The following RBM8A variants were observed in gnomAD, a reference collection of about 807,000 sequenced individuals.
RBM8A encodes the protein RNA binding motif protein 8A, also known as RNA-binding protein 8A.
Under a neutral mutation model 25.1 loss-of-function variants are expected in RBM8A, and 8 were observed. The ratio of observed to expected loss-of-function variants is 0.32; its 90% CI spans 0.19 to 0.58. The LOEUF (loss-of-function observed/expected upper bound fraction) is 0.58, where lower values mean the gene tolerates loss of function less well. Ranked by LOEUF, RBM8A falls within the 20% of genes least tolerant of loss-of-function variation. The pLI, the probability that RBM8A is intolerant of heterozygous loss-of-function variation, is 0.88. For synonymous variants in RBM8A, 66 were observed against 80.0 expected, an observed-to-expected ratio of 0.82 and a Z score of 0.94; for missense variants, 114 against 236.8, an observed-to-expected ratio of 0.48 and a Z score of 3.40.
In RBM8A at chr1:145,923,129, CTG is replaced by C. The variant is rs1376457441; in HGVS notation, c.*2751_*2752del. On this transcript the variant is annotated 3_prime_UTR_variant, in exon 6 of 6. Transcript: ENST00000583313. ...TATCTTTAGTACAGACAGGGTTTCA[CTG>C]TGTTAGCCAGGATGGTCTCCATCTC... The C allele has an allele frequency of 6.6e-6, 1 of 152,106 alleles. No homozygotes were observed. The highest frequency in any genetic ancestry group is 1.5e-5 in the Non-Finnish European group (1 of 68,078). The allele number at this position is 152,106 out of a possible 1,614,324, so 9.4% of individuals were successfully genotyped here.
In RBM8A at chr1:145,926,702, G is replaced by A; in HGVS notation, c.206-84C>T. On this transcript the variant is annotated intron_variant, in intron 3 of 5. Coordinates refer to ENST00000583313, the MANE Select transcript of RBM8A (RefSeq NM_005105.5). The stretch of plus-strand genomic sequence containing the variant: ...CAGGAATAGAGTGAGTGCGGACTCA[G>A]ATTGTTTAAGCTATCTCTGAACCCA... The A allele has an allele frequency of 2.5e-6, 4 of 1,612,612 alleles. No individual in the cohort carries two copies. In the South Asian group the frequency reaches 4.4e-5, roughly 18 times the overall value.
chr1:145,921,559 GTGT>G lies in RBM8A; in HGVS notation c.*4320_*4322del, dbSNP rs1420191887. On this transcript the variant is annotated 3_prime_UTR_variant, in exon 6 of 6. Coordinates refer to ENST00000583313, the MANE Select transcript of RBM8A (RefSeq NM_005105.5). ...AAAAGAGAGTGACATAACCAAATTT[GTGT>G]TTTTTACTGACTTTATTGTCGAATG... 9 of 152,428 alleles carry G rather than the reference GTGT, an allele frequency of 5.9e-5. No individual in the cohort carries two copies. The highest frequency in any genetic ancestry group is 4.6e-4 in the Admixed American group (7 of 15,294). 9.4% of individuals were successfully genotyped at this position (152,428 alleles called of 1,614,324 possible). A position where few individuals can be genotyped will look rare whatever the true frequency, so the allele number is the denominator to read the frequency against.
rs1392210336 is a variant in RBM8A at position 145,922,154 on chromosome 1, G to A, written c.*3728C>T. Reference sequence around the variant, plus strand: ...CACGAGAATTGCTTGAACCTGGGAAGTGGAGGCTGCAGTGAGCCAAGACTG... The same window carrying A: ...CACGAGAATTGCTTGAACCTGGGAAATGGAGGCTGCAGTGAGCCAAGACTG... On this transcript the variant is annotated 3_prime_UTR_variant, in exon 6 of 6. Transcript: ENST00000583313. The A allele has an allele frequency of 6.6e-6, 1 of 151,368 alleles. No homozygotes were observed. Among genetic ancestry groups the A allele is most frequent in the African/African-American group, 2.4e-5 (1 of 41,232 alleles). 9.4% of individuals were successfully genotyped at this position (151,368 alleles called of 1,614,324 possible).
In RBM8A at chr1:145,925,536, T is replaced by C. The variant is rs1228946576; in HGVS notation, c.*346A>G. ...CAGAAGGATGGCTTGAGCCCAAGAG[T>C]TTGAAGCTGCAGTGAGCTATGATCA... On this transcript the variant is annotated 3_prime_UTR_variant, in exon 6 of 6. Coordinates refer to ENST00000583313, the MANE Select transcript of RBM8A (RefSeq NM_005105.5). 5.8e-6 allele frequency: 2 copies of C among 344,276 alleles called. No homozygotes were observed. Among genetic ancestry groups the C allele is most frequent in the Non-Finnish European group, 1.1e-5 (2 of 177,698 alleles). 21.3% of individuals were successfully genotyped at this position (344,276 alleles called of 1,614,324 possible). A position where few individuals can be genotyped will look rare whatever the true frequency, so the allele number is the denominator to read the frequency against.
In RBM8A at chr1:145,926,554, G is replaced by A. The variant is rs1484206622; in HGVS notation, c.270C>T (p.His90=). Residue 90 remains histidine, a synonymous_variant, in exon 4 of 6, where the codon CAC becomes CAT. Coordinates refer to ENST00000583313, the MANE Select transcript of RBM8A (RefSeq NM_005105.5). ...VHEEATEEDI[H]DKFAEYGEIK... ...TTTCCCCATATTCTGCGAATTTGTC[G>A]TGTATGTCTTCTTCGGTGGCTTCCT... The A allele has an allele frequency of 8.1e-6, 13 of 1,614,106 alleles. 1 individual carries two copies. In the South Asian group the frequency reaches 8.8e-5, roughly 11 times the overall value.
rs1553755799 is a variant in RBM8A, at chr1:145,926,009, C to T, written c.479+32G>A. On this transcript the variant is annotated intron_variant, in intron 5 of 5. Transcript: ENST00000583313. ...CATTCTGTTTCGTTCGTATTCCCTTCACCCAGACAGTATTTGCCCTCTTCA... is the reference window on the plus strand; with the variant it reads ...CATTCTGTTTCGTTCGTATTCCCTTTACCCAGACAGTATTTGCCCTCTTCA... 1.9e-6 allele frequency: 3 copies of T among 1,614,222 alleles called. No homozygotes were observed. In the Admixed American group the frequency reaches 5.0e-5, roughly 27 times the overall value.
At chr1:145,927,161 C>T in intron 1 of RBM8A, 84 bp from the exon 2 acceptor site, 3 of 1,540,448 alleles carry the variant, frequency 1.9e-6, no homozygotes, top group Non-Finnish European at 1.8e-6. Flanking sequence ...TACCAGCAAG[C>T]CGACCCACAC....
At position 145,924,016 on chromosome 1, in the gene RBM8A, G is replaced by A; in HGVS notation, c.*1866C>T. 3.1e-6 allele frequency: 2 copies of A among 636,720 alleles called. No individual in the cohort carries two copies. Among genetic ancestry groups the A allele is most frequent in the South Asian group, 3.6e-5 (2 of 55,568 alleles). 39.4% of individuals were successfully genotyped at this position (636,720 alleles called of 1,614,324 possible). ...ATATATTTCCAACTTCTTTAACATGGCACCATGGATGAACTGTTTCTCAGC... is the reference window on the plus strand; with the variant it reads ...ATATATTTCCAACTTCTTTAACATGACACCATGGATGAACTGTTTCTCAGC... On this transcript the variant is annotated 3_prime_UTR_variant, in exon 6 of 6. Transcript: ENST00000583313.
Position 145,924,094 on chromosome 1 carries a change from A to G in RBM8A, c.*1788T>C. ...ATGAATTGGGAGGAGACAGTATGAC[A>G]TAGGTGGGTAGGTTGGGTGGTGAGG... On this transcript the variant is annotated 3_prime_UTR_variant, in exon 6 of 6. Transcript: ENST00000583313. 1.4e-6 allele frequency: 1 copy of G among 713,202 alleles called. No homozygotes were observed. Among genetic ancestry groups the G allele is most frequent in the Non-Finnish European group, 2.6e-6 (1 of 382,662 alleles). 44.2% of individuals were successfully genotyped at this position (713,202 alleles called of 1,614,324 possible). A position where few individuals can be genotyped will look rare whatever the true frequency, so the allele number is the denominator to read the frequency against.
In RBM8A at chr1:145,925,742, A is replaced by T. The variant is rs1648114511; in HGVS notation, c.*140T>A. 2.1e-6 allele frequency: 2 copies of T among 967,302 alleles called. No individual in the cohort carries two copies. The highest frequency in any genetic ancestry group is 5.1e-5 in the Admixed American group (2 of 39,146). 59.9% of individuals were successfully genotyped at this position (967,302 alleles called of 1,614,324 possible). A position where few individuals can be genotyped will look rare whatever the true frequency, so the allele number is the denominator to read the frequency against. On this transcript the variant is annotated 3_prime_UTR_variant, in exon 6 of 6. Transcript: ENST00000583313. ...TAAATGTAGAAAACAAAAATGGAAC[A>T]TTTATTCGCAACTCAAATACTACGC... is the stretch of plus-strand genomic sequence containing the variant.
At position 145,921,776 on chromosome 1, in the gene RBM8A, G is replaced by T. The variant is rs1647796454; in HGVS notation, c.*4106C>A. ...GGGGGCAGGATACAACAGCATCTCT[G>T]AGACTGTAGGATTAGAATTATGTCA... On this transcript the variant is annotated 3_prime_UTR_variant, in exon 6 of 6. Transcript: ENST00000583313. The T allele has an allele frequency of 6.4e-6, 1 of 155,726 alleles. No homozygotes were observed. Among genetic ancestry groups the T allele is most frequent in the East Asian group, 1.6e-4 (1 of 6,232 alleles). 9.6% of individuals were successfully genotyped at this position (155,726 alleles called of 1,614,324 possible). A position where few individuals can be genotyped will look rare whatever the true frequency, so the allele number is the denominator to read the frequency against.
rs1231569380 is a variant in RBM8A, at chr1:145,922,861, C to T, written c.*3021G>A. 2 of 151,630 alleles carry T rather than the reference C, an allele frequency of 1.3e-5. No individual in the cohort carries two copies. The highest frequency in any genetic ancestry group is 3.9e-4 in the East Asian group (2 of 5,190). 9.4% of individuals were successfully genotyped at this position (151,630 alleles called of 1,614,324 possible). ...CAGTACGTGGTAAATGGCAATAAAA[C>T]AGGATAAAGGAAAGATCAAAACAAG... On this transcript the variant is annotated 3_prime_UTR_variant, in exon 6 of 6. Transcript: ENST00000583313.
rs1553755460 is a variant in RBM8A, at chr1:145,924,366, G to C, written c.*1516C>G. Reference sequence around the variant, plus strand: ...CCCCAGACAAGGAAGGGGAGCCATGGTGAGACTCCAATTCCCAGGCCTTAA... The same window carrying C: ...CCCCAGACAAGGAAGGGGAGCCATGCTGAGACTCCAATTCCCAGGCCTTAA... On this transcript the variant is annotated 3_prime_UTR_variant, in exon 6 of 6. Coordinates refer to ENST00000583313, the MANE Select transcript of RBM8A (RefSeq NM_005105.5). 2 of 487,190 alleles carry C rather than the reference G, an allele frequency of 4.1e-6. No individual in the cohort carries two copies. Among genetic ancestry groups the C allele is most frequent in the Admixed American group, 4.6e-5 (2 of 43,024 alleles). 30.2% of individuals were successfully genotyped at this position (487,190 alleles called of 1,614,324 possible). A position where few individuals can be genotyped will look rare whatever the true frequency, so the allele number is the denominator to read the frequency against.
rs114923929 is a variant in RBM8A, at chr1:145,926,026, C to T, written c.479+15G>A. On this transcript the variant is annotated intron_variant, in intron 5 of 5. Transcript: ENST00000583313. ...ATTCCCTTCACCCAGACAGTATTTG[C>T]CCTCTTCATTTTACCTCCTCTTGCC... The T allele has an allele frequency of 4.7e-3, 7,593 of 1,614,134 alleles. 346 individuals carry two copies. In the African/African-American group the frequency reaches 0.092, roughly 19 times the overall value.
Position 145,924,763 on chromosome 1 carries a change from C to A in RBM8A, c.*1119G>T. The stretch of plus-strand genomic sequence containing the variant: ...TGCCCCTCCATCAATTCACCCTATA[C>A]TCAGATCAGAAGCTGAGTGTCTGAA... On this transcript the variant is annotated 3_prime_UTR_variant, in exon 6 of 6. Transcript: ENST00000583313. 2.7e-6 allele frequency: 1 copy of A among 374,160 alleles called. No homozygotes were observed. The highest frequency in any genetic ancestry group is 8.3e-4 in the Middle Eastern group (1 of 1,202). The allele number at this position is 374,160 out of a possible 1,614,324, so 23.2% of individuals were successfully genotyped here.
intron 4 of RBM8A, 100 bp downstream of exon 4, chr1:145,926,380 TTA>T: frequency 6.6e-7 from 1 of 1,515,330 alleles, no homozygotes; most frequent in South Asian, 1.3e-5. Flanking sequence ...CAATGTCATT[TTA>T]TTTCAACTTT....
chr1:145,926,813 T>C lies in RBM8A; in HGVS notation c.201A>G (p.Gln67=). The change falls in exon 3 of 6, where the codon CAA becomes CAG. Residue 67 remains glutamine, a synonymous_variant. Coordinates refer to ENST00000583313, the MANE Select transcript of RBM8A (RefSeq NM_005105.5). ...ACAGGTTCCATTATTACTCACAGCG[T>C]TGTGGTCCGGGTTCATCGCCATCCT... ...VEQDGDEPGP[Q]RSVEGWILFV... is the part of the protein sequence containing the mutation. 3 of 1,614,176 alleles carry C rather than the reference T, an allele frequency of 1.9e-6. No homozygotes were observed. The highest frequency in any genetic ancestry group is 1.7e-5 in the Admixed American group (1 of 60,026).
Position 145,924,561 on chromosome 1 carries a change from G to T in RBM8A, c.*1321C>A. The T allele has an allele frequency of 8.1e-6, 3 of 368,190 alleles. No individual in the cohort carries two copies. Among genetic ancestry groups the T allele is most frequent in the Non-Finnish European group, 1.7e-5 (3 of 181,722 alleles). The allele number at this position is 368,190 out of a possible 1,614,324, so 22.8% of individuals were successfully genotyped here. A position where few individuals can be genotyped will look rare whatever the true frequency, so the allele number is the denominator to read the frequency against. On this transcript the variant is annotated 3_prime_UTR_variant, in exon 6 of 6. Transcript: ENST00000583313. ...TAAACAGCTGAGTTAGCTGGACAAG[G>T]ACTAGGGAGGCAATCAGTATTATTT... is the stretch of plus-strand genomic sequence containing the variant.
chr1:145,927,246 G>C (rs1648211250), intron 1 of RBM8A, 114 bp downstream of exon 1: 2 of 1,460,882 alleles, frequency 1.4e-6, no homozygotes, highest in African/African-American at 1.4e-5. Context: ...ATCCACCCAA[G>C]ACCCGGTTCC....
Sources: allele counts gnomAD v4.1 joint callset, GRCh38; gene constraint gnomAD v4.1.1; transcripts MANE v1.5; gene names NCBI Gene and HGNC (gene_info 2026-07-23, HGNC 2026-07-21).